C5orf46: variants seen among roughly 807,000 people sequenced by gnomAD.
C5orf46 encodes the protein uncharacterized protein C5orf46.
A neutral mutation model predicts 8.9 loss-of-function variants in C5orf46; 9 were observed. That is an observed-to-expected ratio of 1.01 (90% CI 0.61 to 1.76). The LOEUF (loss-of-function observed/expected upper bound fraction) is 1.76, where lower values mean the gene tolerates loss of function less well. Among genes scored for constraint, C5orf46 ranks in the 40% most tolerant of loss-of-function variants. The pLI is 0.00. For synonymous variants in C5orf46, 47 were observed against 41.4 expected, an observed-to-expected ratio of 1.14 and a Z score of -0.52; for missense variants, 98 against 107.8, an observed-to-expected ratio of 0.91 and a Z score of 0.40.
chr5:147,903,370 T>A (rs1259333353), intron 1 of C5orf46, among the ~76,000 whole-genome samples: 1 of 152,244 alleles, frequency 6.6e-6, no homozygotes, highest in Non-Finnish European at 1.5e-5. Context: ...AGATTATTCA[T>A]TGCATATCAG....
At chr5:147,902,211 G>A (rs1561632667) in intron 1 of C5orf46, among the ~76,000 whole-genome samples, 1 of 152,128 alleles carries the variant, frequency 6.6e-6, no homozygotes, top group Non-Finnish European at 1.5e-5. Context: ...CAGCACTTTG[G>A]GAGGGTGAGA....
At chr5:147,902,729 C>T (rs1009068050) in intron 1 of C5orf46, among the ~76,000 whole-genome samples, 11 of 152,318 alleles carry the variant, frequency 7.2e-5, no homozygotes, top group African/African-American at 2.6e-4. Context: ...ATGAGCTGCA[C>T]AGTCTTTGAT....
At chr5:147,891,872 C>T (rs1192812566), downstream of C5orf46, among the ~76,000 whole-genome samples, 1 of 152,168 alleles carries the variant, frequency 6.6e-6, no homozygotes, top group Non-Finnish European at 1.5e-5. Context: ...GGAATTCACT[C>T]TTGGTTTATC....
chr5:147,902,879 C>T (rs1757693381), intron 1 of C5orf46, among the ~76,000 whole-genome samples: 2 of 152,088 alleles, frequency 1.3e-5, no homozygotes, highest in South Asian at 4.1e-4. Flanking sequence ...AATTTTATCC[C>T]CTGAGCAATC....
chr5:147,892,937 G>A lies in C5orf46; in HGVS notation c.*12C>T, dbSNP rs1406106786. 6.6e-6 allele frequency: 1 copy of A among 152,182 alleles called. No individual in the cohort carries two copies. The highest frequency in any genetic ancestry group is 1.5e-5 in the Non-Finnish European group (1 of 68,036). The allele number at this position is 152,182 out of a possible 1,614,324, so 9.4% of individuals were successfully genotyped here. On this transcript the variant is annotated splice_region_variant and 3_prime_UTR_variant, in exon 4 of 4. Transcript: ENST00000318315. ...GATTGTCCAGGAGCCACATGGGTGTGTCCTTTGAAACACAAGCCAAAGAGA... is the reference window on the plus strand; with the variant it reads ...GATTGTCCAGGAGCCACATGGGTGTATCCTTTGAAACACAAGCCAAAGAGA...
chr5:147,888,684 A>G (rs1051421836), downstream of C5orf46, among the ~76,000 whole-genome samples: 5 of 152,166 alleles, frequency 3.3e-5, no homozygotes, highest in Non-Finnish European at 5.9e-5. Flanking sequence ...GACAGCTTCC[A>G]AGAGAACCAT....
intron 3 of C5orf46, among the ~76,000 whole-genome samples, chr5:147,895,425 A>G (rs1162339119): frequency 6.6e-6 from 1 of 152,226 alleles, no homozygotes; most frequent in Admixed American, 6.5e-5. Context: ...TTTCATGTGC[A>G]GTTAAAAAAT....
At chr5:147,903,321 A>T (rs903912006) in intron 1 of C5orf46, among the ~76,000 whole-genome samples, 4 of 152,212 alleles carry the variant, frequency 2.6e-5, no homozygotes, top group African/African-American at 9.6e-5. Context: ...GGTACTATAA[A>T]AAAGATCCAT....
intron 2 of C5orf46, chr5:147,901,411 G>A: frequency 2.5e-6 from 1 of 398,156 alleles, no homozygotes; most frequent in Non-Finnish European, 4.4e-6. Context: ...AATCCTGTAT[G>A]GAACCACTTG....
intron 1 of C5orf46, among the ~76,000 whole-genome samples, chr5:147,905,505 T>C (rs891654396): frequency 6.6e-6 from 1 of 152,226 alleles, no homozygotes; most frequent in Non-Finnish European, 1.5e-5. Flanking sequence ...TCTGTTGTAA[T>C]GTCTGTCTGT....
downstream of C5orf46, among the ~76,000 whole-genome samples, chr5:147,888,831 T>C (rs1209297699): frequency 6.6e-6 from 1 of 152,214 alleles, no homozygotes; most frequent in Non-Finnish European, 1.5e-5. Context: ...TTTGGGAGTA[T>C]ATGCATATGT....
At chr5:147,901,503 A>G (rs1363814719) in intron 2 of C5orf46, 126 bp downstream of exon 2, 4 of 824,988 alleles carry the variant, frequency 4.8e-6, no homozygotes, top group Non-Finnish European at 5.4e-6. Context: ...ACATTTTTCA[A>G]TGAAAAATAA....
chr5:147,898,757 AG>A (rs1162993091), intron 2 of C5orf46, among the ~76,000 whole-genome samples: 4 of 152,130 alleles, frequency 2.6e-5, no homozygotes, highest in Non-Finnish European at 1.5e-5. Flanking sequence ...TGGAACCCAG[AG>A]GGGAAAATAT....
intron 3 of C5orf46, among the ~76,000 whole-genome samples, chr5:147,895,260 GA>G (rs748534005): frequency 2.0e-5 from 3 of 152,086 alleles, no homozygotes; most frequent in Non-Finnish European, 2.9e-5. Flanking sequence ...GCAGCATGGT[GA>G]AACCCTGTCT....
At chr5:147,897,494 T>A (rs145752885) in intron 2 of C5orf46, among the ~76,000 whole-genome samples, 1,607 of 152,304 alleles carry the variant, frequency 0.011, 34 homozygotes, top group African/African-American at 0.037. Flanking sequence ...AATTTGGCTC[T>A]CCAGAGTCAT....
chr5:147,903,579 A>C (rs1757704722), intron 1 of C5orf46, among the ~76,000 whole-genome samples: 1 of 152,208 alleles, frequency 6.6e-6, no homozygotes, highest in Non-Finnish European at 1.5e-5. Context: ...TATTAGTAAA[A>C]AAGATTGGCA....
intron 1 of C5orf46, among the ~76,000 whole-genome samples, chr5:147,903,998 T>C (rs562418048): frequency 7.4e-4 from 113 of 152,210 alleles, no homozygotes; most frequent in Non-Finnish European, 1.4e-3. Flanking sequence ...TCTGCCCACG[T>C]CGGCCTCCTG....
At chr5:147,901,082 TAC>T (rs1283276010) in intron 2 of C5orf46, among the ~76,000 whole-genome samples, 2 of 152,142 alleles carry the variant, frequency 1.3e-5, no homozygotes, top group African/African-American at 4.8e-5. Context: ...AGAGGTTATC[TAC>T]TGTCTCTGCT....
intron 3 of C5orf46, among the ~76,000 whole-genome samples, chr5:147,894,618 T>C (rs189188395): frequency 4.7e-4 from 72 of 152,278 alleles, no homozygotes; most frequent in South Asian, 1.0e-3. Context: ...TATCATTTCC[T>C]TCCACAGTTA....
Sources: allele counts gnomAD v4.1 joint callset (sites outside exome capture counted in the v4.1 genomes callset), GRCh38; gene constraint gnomAD v4.1.1; transcripts MANE v1.5; gene names NCBI Gene and HGNC (gene_info 2026-07-23, HGNC 2026-07-21).